SNX29: variants seen among roughly 807,000 people sequenced by gnomAD.
SNX29 encodes the protein sorting nexin 29, also known as sorting nexin-29.
A neutral mutation model predicts 102.1 loss-of-function variants in SNX29; 78 were observed. The ratio of observed to expected loss-of-function variants is 0.76; its 90% confidence interval spans 0.64 to 0.92. The LOEUF is 0.92. Among genes scored for constraint, SNX29 ranks in the 40% least tolerant of loss-of-function variants. The pLI is 0.00. For missense variants in SNX29, 1,280 were observed against 1,061.7 expected, an observed-to-expected ratio of 1.21 and a Z score of -2.86; for synonymous variants, 580 against 414.5, an observed-to-expected ratio of 1.40 and a Z score of -4.85.
rs71139599 is a variant in SNX29 at position 12,483,319 on chromosome 16, C to CTT, written c.2178+5474_2178+5475dup. On this transcript the variant is annotated intron_variant, in intron 19 of 20. Coordinates refer to ENST00000566228, the MANE Select transcript of SNX29 (RefSeq NM_032167.5). ...CCACTGCACCTGGCCATTTACTTTT[C>CTT]TTTTTTTTTTTTTTTCCAGACGGAG... Among the ~76,000 whole-genome samples the CTT allele has an allele frequency of 9.6e-3, 1,294 of 134,758 alleles. 11 individuals are homozygous for CTT. Among genetic ancestry groups the CTT allele is most frequent in the Non-Finnish European group, 0.012 (781 of 63,390 alleles). The allele number at this position is 134,758 out of a possible 152,430, so 88.4% of individuals were successfully genotyped here. A position where few individuals can be genotyped will look rare whatever the true frequency, so the allele number is the denominator to read the frequency against.
chr16:12,029,409 T>C (rs1363636286), intron 4 of SNX29, among the ~76,000 whole-genome samples: 1 of 145,058 alleles, frequency 6.9e-6, no homozygotes, highest in Non-Finnish European at 1.5e-5. Context: ...CAAAAATTAA[T>C]GAAAAGTGAC....
intron 18 of SNX29, among the ~76,000 whole-genome samples, chr16:12,421,498 C>G (rs571371149): frequency 1.3e-5 from 2 of 152,298 alleles, no homozygotes; most frequent in African/African-American, 4.8e-5. Flanking sequence ...TTTGATTTCC[C>G]TTAACACATA....
intron 20 of SNX29, among the ~76,000 whole-genome samples, chr16:12,559,273 G>C (rs1177415481): frequency 6.6e-6 from 1 of 152,068 alleles, no homozygotes; most frequent in Admixed American, 6.6e-5. Context: ...TGTCAGATCA[G>C]CAGCAGCACT....
chr16:12,127,840 T>C (rs537670186), intron 12 of SNX29, among the ~76,000 whole-genome samples: 32 of 152,354 alleles, frequency 2.1e-4, no homozygotes, highest in African/African-American at 7.5e-4. Flanking sequence ...GATGAAATTC[T>C]GGCTCCCATC....
chr16:12,376,710 C>G (rs924453687), intron 16 of SNX29, among the ~76,000 whole-genome samples: 3 of 122,918 alleles, frequency 2.4e-5, no homozygotes, highest in African/African-American at 9.2e-5. Flanking sequence ...GCACTCCAGC[C>G]TGGGCAACAA....
At chr16:12,524,918 G>A in intron 20 of SNX29, 77 bp downstream of exon 20, 5 of 1,569,074 alleles carry the variant, frequency 3.2e-6, no homozygotes, top group Middle Eastern at 1.7e-4. Flanking sequence ...AGGTCAGGGA[G>A]CACAGCGGCT....
chr16:12,212,128 C>A (rs948929551), intron 14 of SNX29, among the ~76,000 whole-genome samples: 1 of 152,080 alleles, frequency 6.6e-6, no homozygotes, highest in Non-Finnish European at 1.5e-5. Context: ...ACGAGCTAGC[C>A]CAGAGACGCC....
At chr16:12,518,152 G>A (rs535960078) in intron 19 of SNX29, among the ~76,000 whole-genome samples, 6 of 152,282 alleles carry the variant, frequency 3.9e-5, no homozygotes, top group East Asian at 3.9e-4. Context: ...ACTGCAGAGG[G>A]TCGTGATGGA....
chr16:12,572,725 GA>G lies in SNX29; in HGVS notation c.*4097del. ...CATCTTCCAGCCTTGGCACAGAACT[GA>G]TGGCAAAGGAAGGGCTGGGTTTTCA... On this transcript the variant is annotated 3_prime_UTR_variant, in exon 21 of 21. Coordinates refer to ENST00000566228, the MANE Select transcript of SNX29 (RefSeq NM_032167.5). 9.4e-7 allele frequency: 1 copy of G among 1,063,996 alleles called. No homozygotes were observed. Among genetic ancestry groups the G allele is most frequent in the Non-Finnish European group, 1.1e-6 (1 of 878,482 alleles). 65.9% of individuals were successfully genotyped at this position (1,063,996 alleles called of 1,614,324 possible).
chr16:12,537,988 A>C (rs1212727138), intron 20 of SNX29, among the ~76,000 whole-genome samples: 2 of 102,320 alleles, frequency 2.0e-5, no homozygotes, highest in Non-Finnish European at 4.6e-5. Flanking sequence ...CCGTTTCAAA[A>C]AAAAAAAAAA....
intron 9 of SNX29, among the ~76,000 whole-genome samples, chr16:12,064,861 A>C (rs1055162698): frequency 6.6e-6 from 1 of 152,116 alleles, no homozygotes; most frequent in African/African-American, 2.4e-5. Context: ...TTCCTTCCTT[A>C]GAGATATTCT....
At chr16:12,257,445 T>C (rs948162020) in intron 14 of SNX29, among the ~76,000 whole-genome samples, 6 of 152,304 alleles carry the variant, frequency 3.9e-5, no homozygotes, top group African/African-American at 1.2e-4. Context: ...CAGCAACATA[T>C]TCACAGCATC....
At chr16:12,508,847 C>G (rs1256331786) in intron 19 of SNX29, among the ~76,000 whole-genome samples, 4 of 152,080 alleles carry the variant, frequency 2.6e-5, no homozygotes, top group African/African-American at 9.7e-5. Flanking sequence ...AGGGAGCTTT[C>G]TTGGGGACAC....
At chr16:12,423,203 T>C (rs1164516888) in intron 18 of SNX29, among the ~76,000 whole-genome samples, 1 of 152,094 alleles carries the variant, frequency 6.6e-6, no homozygotes, top group East Asian at 1.9e-4. Context: ...GTTGTTTTTT[T>C]TTTTTAAACA....
At chr16:12,416,554 G>A (rs959399712) in intron 18 of SNX29, among the ~76,000 whole-genome samples, 4 of 152,052 alleles carry the variant, frequency 2.6e-5, no homozygotes, top group Non-Finnish European at 5.9e-5. Context: ...TTGTGTGGCT[G>A]TGAAGGAACA....
chr16:12,221,774 A>G (rs1323825954), intron 14 of SNX29, among the ~76,000 whole-genome samples: 3 of 152,190 alleles, frequency 2.0e-5, no homozygotes, highest in African/African-American at 7.2e-5. Flanking sequence ...AGGGCCCTGC[A>G]TGCGTTGGTC....
chr16:12,149,435 C>T (rs918496256), intron 13 of SNX29, among the ~76,000 whole-genome samples: 27 of 152,320 alleles, frequency 1.8e-4, no homozygotes, highest in African/African-American at 5.3e-4. Context: ...TGCTTAGTGC[C>T]TGGTACATAG....
intron 18 of SNX29, among the ~76,000 whole-genome samples, chr16:12,462,458 T>C (rs1348317776): frequency 6.6e-6 from 1 of 152,098 alleles, no homozygotes; most frequent in East Asian, 1.9e-4. Context: ...GTTACCAAAG[T>C]CTGTTCAGTA....
intron 18 of SNX29, among the ~76,000 whole-genome samples, chr16:12,454,465 C>T (rs2086447777): frequency 6.6e-6 from 1 of 152,218 alleles, no homozygotes; most frequent in Non-Finnish European, 1.5e-5. Flanking sequence ...CTGCCCAGAA[C>T]TCTAGAGGTG....
Sources: gnomAD v4.1 joint callset for allele counts (sites outside exome capture counted in the v4.1 genomes callset) on GRCh38, gnomAD v4.1.1 for gene constraint, MANE v1.5 for transcripts, NCBI Gene and HGNC (gene_info 2026-07-23, HGNC 2026-07-21) for gene names.